The following IQSEC1 variants were observed in gnomAD, a reference collection of about 807,000 sequenced individuals.
The protein encoded by IQSEC1 is IQ motif and SEC7 domain-containing protein 1.
IQSEC1 carries 31 observed loss-of-function variants against 91.0 expected under a neutral mutation model. The ratio of observed to expected loss-of-function variants is 0.34; its 90% CI spans 0.26 to 0.46. The LOEUF is 0.46. IQSEC1 is among the 20% of genes least tolerant of loss of function. The pLI, the probability that IQSEC1 is intolerant of heterozygous loss-of-function variation, is 1.00. For synonymous variants in IQSEC1, 699 were observed against 662.6 expected, an observed-to-expected ratio of 1.05 and a Z score of -0.84; for missense variants, 1,388 against 1,575.6, an observed-to-expected ratio of 0.88 and a Z score of 2.02.
chr3:13,190,721 G>A (rs1307710385), intron 1 of IQSEC1, among the ~76,000 whole-genome samples: 1 of 152,196 alleles, frequency 6.6e-6, no homozygotes, highest in Non-Finnish European at 1.5e-5. Context: ...ATGGACTACA[G>A]CAAAAATAAG....
chr3:13,133,713 G>C (rs1221833092), intron 2 of IQSEC1, among the ~76,000 whole-genome samples: 1 of 152,240 alleles, frequency 6.6e-6, no homozygotes, highest in Admixed American at 6.5e-5. Flanking sequence ...AAATACAACA[G>C]ACAACTATAA....
intron 1 of IQSEC1, among the ~76,000 whole-genome samples, chr3:13,253,901 G>T (rs891276333): frequency 6.6e-6 from 1 of 152,152 alleles, no homozygotes; most frequent in African/African-American, 2.4e-5. Flanking sequence ...TTAAGACGGG[G>T]TGAAGAACAC....
At chr3:12,993,333 T>TCTCC (rs920626610) in intron 1 of IQSEC1, among the ~76,000 whole-genome samples, 51 of 152,214 alleles carry the variant, frequency 3.4e-4, no homozygotes, top group African/African-American at 1.2e-3. Flanking sequence ...TGCCAAAGCT[T>TCTCC]CTCCCTCCCT....
chr3:13,091,299 C>T (rs1478252161), intron 2 of IQSEC1, among the ~76,000 whole-genome samples: 1 of 152,234 alleles, frequency 6.6e-6, no homozygotes, highest in Non-Finnish European at 1.5e-5. Context: ...GGCATACAGA[C>T]TCCAGGAGGC....
At chr3:13,136,788 G>A (rs982206348) in intron 2 of IQSEC1, among the ~76,000 whole-genome samples, 7 of 152,050 alleles carry the variant, frequency 4.6e-5, no homozygotes, top group African/African-American at 2.4e-5. Context: ...CATGTAGATC[G>A]GGTGGAATAC....
chr3:13,257,504 C>G (rs1450950353), intron 1 of IQSEC1, among the ~76,000 whole-genome samples: 2 of 152,188 alleles, frequency 1.3e-5, no homozygotes, highest in African/African-American at 4.8e-5. Context: ...GGCTGGTGCT[C>G]ATTGCACTGC....
At chr3:13,101,695 A>G (rs1706067140) in intron 2 of IQSEC1, among the ~76,000 whole-genome samples, 1 of 152,118 alleles carries the variant, frequency 6.6e-6, no homozygotes, top group Non-Finnish European at 1.5e-5. Context: ...TGTGTCCAGT[A>G]TGATGTCTGT....
chr3:13,229,440 T>C (rs1014915671), intron 1 of IQSEC1, among the ~76,000 whole-genome samples: 1 of 152,210 alleles, frequency 6.6e-6, no homozygotes, highest in Non-Finnish European at 1.5e-5. Context: ...TATGGCCTTC[T>C]GTGTGACAAT....
chr3:13,262,602 G>A (rs1227359964), intron 1 of IQSEC1, among the ~76,000 whole-genome samples: 1 of 152,246 alleles, frequency 6.6e-6, no homozygotes. Context: ...TCTTGAAGAA[G>A]TGTTAGCACA....
chr3:13,185,116 G>T (rs1339419201), intron 1 of IQSEC1, among the ~76,000 whole-genome samples: 2 of 152,190 alleles, frequency 1.3e-5, no homozygotes, highest in African/African-American at 4.8e-5. Context: ...CAGTTGTAAA[G>T]GTTCTGTGAG....
intron 8 of IQSEC1, 141 bp from the exon 9 acceptor site, chr3:12,913,694 A>G (rs1695791348): frequency 7.4e-6 from 5 of 679,698 alleles, no homozygotes; most frequent in South Asian, 5.5e-5. Flanking sequence ...CCTCACAGAC[A>G]TTGAAGAGCA....
At chr3:13,227,203 C>T (rs894571145) in intron 1 of IQSEC1, among the ~76,000 whole-genome samples, 3 of 151,896 alleles carry the variant, frequency 2.0e-5, no homozygotes, top group Admixed American at 6.6e-5. Flanking sequence ...TGGTGAAACC[C>T]CGTCTCTACT....
intron 1 of IQSEC1, chr3:13,015,675 A>C: frequency 1.0e-6 from 1 of 985,286 alleles, no homozygotes; most frequent in Non-Finnish European, 1.2e-6. Flanking sequence ...TCCCCACAGC[A>C]GGTCCTGACG....
intron 1 of IQSEC1, among the ~76,000 whole-genome samples, chr3:13,030,845 G>A (rs142644317): frequency 3.9e-5 from 6 of 152,256 alleles, no homozygotes; most frequent in Non-Finnish European, 4.4e-5. Context: ...GCTGTGCCAC[G>A]CAGGCGTGGG....
chr3:13,017,571 TC>T (rs1013053334), intron 1 of IQSEC1, among the ~76,000 whole-genome samples: 2 of 152,202 alleles, frequency 1.3e-5, no homozygotes, highest in African/African-American at 4.8e-5. Context: ...CAGGTCCTCC[TC>T]TGTGCTGTGG....
chr3:12,928,173 T>A (rs1697328678), intron 3 of IQSEC1, among the ~76,000 whole-genome samples: 1 of 150,198 alleles, frequency 6.7e-6, no homozygotes, highest in African/African-American at 2.5e-5. Flanking sequence ...GGGGGCCGGG[T>A]TGAGGACACA....
At position 12,935,461 on chromosome 3, in the gene IQSEC1, T is replaced by C; in HGVS notation, c.1555A>G (p.Asn519Asp). The stretch of plus-strand genomic sequence containing the variant: ...CATGGTACTCACTTGTTGAAGAGGT[T>C]CAGGCCGATGCGGTAGTGCCTCTTG... ...IRKRHYRIGLNLFNKKPEKGV... is the reference protein window; with the variant it reads ...IRKRHYRIGLDLFNKKPEKGV... The change falls in exon 3 of 14, where the codon AAC (asparagine) becomes GAC (aspartate). Residue 519 changes from asparagine to aspartate, a missense_variant. Transcript: ENST00000613206. The surrounding 1 kb of genome is among the most constrained non-coding windows in gnomAD (Gnocchi z 8.0). The C allele has an allele frequency of 6.2e-7, 1 of 1,611,572 alleles. No individual in the cohort carries two copies. Among genetic ancestry groups the C allele is most frequent in the Non-Finnish European group, 8.5e-7 (1 of 1,178,214 alleles).
At chr3:13,013,208 G>A (rs948949405) in intron 1 of IQSEC1, among the ~76,000 whole-genome samples, 19 of 152,108 alleles carry the variant, frequency 1.2e-4, no homozygotes, top group Non-Finnish European at 2.6e-4. Context: ...TGATCCGCCC[G>A]CCTTGGCCTC....
rs1014584059 is a variant in IQSEC1 at position 12,983,097 on chromosome 3, T to C, written c.24-41232A>G. On this transcript the variant is annotated intron_variant, in intron 1 of 13. Coordinates refer to ENST00000613206, the MANE Select transcript of IQSEC1 (RefSeq NM_001134382.3). This position sits in a 1 kb window ranked among gnomAD's most constrained non-coding sequence, Gnocchi z 4.3. The stretch of plus-strand genomic sequence containing the variant: ...GGGGGCTCCTGAGGGCCTTCCCCAC[T>C]GTAACTCACTTGCACCTGCCCCTCC... Among the ~76,000 whole-genome samples, 8 of 152,100 alleles carry C rather than the reference T, an allele frequency of 5.3e-5. No individual in the cohort carries two copies. Among genetic ancestry groups the C allele is most frequent in the Non-Finnish European group, 8.8e-5 (6 of 68,018 alleles).
Sources: allele counts gnomAD v4.1 joint callset (sites outside exome capture counted in the v4.1 genomes callset), GRCh38; gene constraint gnomAD v4.1.1; non-coding constraint Gnocchi (gnomAD v3.1); transcripts MANE v1.5; gene names NCBI Gene and HGNC (gene_info 2026-07-23, HGNC 2026-07-21).